Variants in LRMDA observed in about 807,000 individuals in gnomAD.
LRMDA encodes the protein leucine rich melanocyte differentiation associated.
In LRMDA, 18 loss-of-function variants were observed where a neutral mutation model predicts 29.8. That is an observed-to-expected ratio of 0.60 (90% CI 0.42 to 0.90). The LOEUF (loss-of-function observed/expected upper bound fraction) is 0.90, where lower values mean the gene tolerates loss of function less well. LRMDA is among the 40% of genes least tolerant of loss of function. LRMDA has a pLI of 0.00. For missense variants in LRMDA, 273 were observed against 273.9 expected (o/e 1.00, Z 0.02); for synonymous variants, 125 against 109.4 (o/e 1.14, Z -0.89).
At chr10:76,545,986 G>A (rs1426905392) in intron 6 of LRMDA, among the ~76,000 whole-genome samples, 6 of 152,088 alleles carry the variant, frequency 3.9e-5, no homozygotes, top group African/African-American at 1.2e-4. Flanking sequence ...AGAAACTCTG[G>A]GGAACGGGGC....
intron 3 of LRMDA, among the ~76,000 whole-genome samples, chr10:76,045,583 G>A (rs1029803327): frequency 3.3e-5 from 5 of 152,062 alleles, no homozygotes; most frequent in Admixed American, 1.3e-4. Flanking sequence ...GCATATGATG[G>A]TGGCAGAGCA....
chr10:75,612,479 C>G (rs1841044737), intron 2 of LRMDA, among the ~76,000 whole-genome samples: 1 of 151,996 alleles, frequency 6.6e-6, no homozygotes, highest in African/African-American at 2.4e-5. Context: ...TAATTGATGC[C>G]ATTTTACTAA....
chr10:76,226,239 G>A (rs996794061), intron 5 of LRMDA, among the ~76,000 whole-genome samples: 4 of 152,114 alleles, frequency 2.6e-5, no homozygotes, highest in African/African-American at 9.7e-5. Context: ...TCACAAGGCA[G>A]CAGGAGAGAG....
At position 76,197,946 on chromosome 10, in the gene LRMDA, C is replaced by G. The variant is rs141134968; in HGVS notation, c.517-126455C>G. On this transcript the variant is annotated intron_variant, in intron 5 of 6. Coordinates refer to ENST00000611255, the MANE Select transcript of LRMDA (RefSeq NM_001305581.2). The stretch of plus-strand genomic sequence containing the variant: ...AAAAAAAAAAAAATTGTTAGTAGTT[C>G]CACTGCTGAGAAATTCTGGTCTAAA... Among the ~76,000 whole-genome samples, 430 of 151,992 alleles carry G rather than the reference C, an allele frequency of 2.8e-3. 13 individuals carry two copies. In the East Asian group the frequency reaches 0.067, roughly 24 times the overall value.
chr10:76,279,023 T>C (rs997134151), intron 5 of LRMDA, among the ~76,000 whole-genome samples: 3 of 152,220 alleles, frequency 2.0e-5, no homozygotes, highest in African/African-American at 7.2e-5. Flanking sequence ...TTGTCTGAAC[T>C]GCAAGGTCCT....
intron 6 of LRMDA, among the ~76,000 whole-genome samples, chr10:76,419,724 C>T (rs1258265340): frequency 1.3e-5 from 2 of 152,028 alleles, no homozygotes; most frequent in Admixed American, 6.6e-5. Flanking sequence ...TGTATATCTT[C>T]TTTGATAAAG....
chr10:75,845,043 A>G (rs1844608900), intron 2 of LRMDA, among the ~76,000 whole-genome samples: 1 of 152,198 alleles, frequency 6.6e-6, no homozygotes, highest in Admixed American at 6.5e-5. Context: ...CATTCATGTT[A>G]GGTGAAGGAC....
At chr10:76,521,273 A>G (rs1176075266) in intron 6 of LRMDA, among the ~76,000 whole-genome samples, 1 of 151,938 alleles carries the variant, frequency 6.6e-6, no homozygotes, top group Non-Finnish European at 1.5e-5. Context: ...AGCTGGGACT[A>G]CAGGCGCCTG....
intron 2 of LRMDA, among the ~76,000 whole-genome samples, chr10:76,028,348 T>C (rs1160812698): frequency 6.6e-6 from 1 of 152,204 alleles, no homozygotes; most frequent in Non-Finnish European, 1.5e-5. Flanking sequence ...GCTCTTTCCA[T>C]GTTAAGGGTG....
chr10:76,329,398 A>G (rs575687671), intron 6 of LRMDA, among the ~76,000 whole-genome samples: 1 of 152,216 alleles, frequency 6.6e-6, no homozygotes, highest in Non-Finnish European at 1.5e-5. Flanking sequence ...ATGTCCCTGA[A>G]TTATTTATTT....
chr10:76,371,902 T>A (rs1361531062), intron 6 of LRMDA, among the ~76,000 whole-genome samples: 2 of 152,182 alleles, frequency 1.3e-5, no homozygotes, highest in Non-Finnish European at 2.9e-5. Context: ...TGATTCTCTT[T>A]TGATGATAAA....
chr10:76,257,401 T>C (rs573480498), intron 5 of LRMDA, among the ~76,000 whole-genome samples: 10 of 151,298 alleles, frequency 6.6e-5, no homozygotes, highest in Admixed American at 3.3e-4. Context: ...TGGCATGATC[T>C]CAGCTCACTG....
chr10:76,106,302 T>TA (rs1305312110), intron 5 of LRMDA, among the ~76,000 whole-genome samples: 1 of 152,172 alleles, frequency 6.6e-6, no homozygotes, highest in African/African-American at 2.4e-5. Flanking sequence ...AGTAGAAACT[T>TA]AAACTTCCTG....
intron 2 of LRMDA, among the ~76,000 whole-genome samples, chr10:75,664,529 A>G (rs1309448139): frequency 6.6e-6 from 1 of 152,162 alleles, no homozygotes; most frequent in Non-Finnish European, 1.5e-5. Flanking sequence ...ATGGAGGAAG[A>G]GGAGTCAGGA....
At chr10:76,103,553 C>T (rs1303611727) in intron 5 of LRMDA, among the ~76,000 whole-genome samples, 1 of 152,220 alleles carries the variant, frequency 6.6e-6, no homozygotes, top group Non-Finnish European at 1.5e-5. Flanking sequence ...CTTACTCATA[C>T]ACTTCCTGAG....
intron 6 of LRMDA, among the ~76,000 whole-genome samples, chr10:76,466,881 A>G (rs998844294): frequency 1.3e-5 from 2 of 152,224 alleles, no homozygotes; most frequent in Non-Finnish European, 2.9e-5. Context: ...CCTTGCTTTT[A>G]TTACTTAGCA....
At position 76,041,815 on chromosome 10, in the gene LRMDA, C is replaced by T. The variant is rs968779709; in HGVS notation, c.259-5349C>T. On this transcript the variant is annotated intron_variant, in intron 3 of 6. Transcript: ENST00000611255. Reference sequence around the variant, plus strand: ...AGACAACACTGAAAAAAAATCTCAACGCTAAGTACCCCGGAGAAGACTTGA... The same window carrying T: ...AGACAACACTGAAAAAAAATCTCAATGCTAAGTACCCCGGAGAAGACTTGA... 5.9e-5 allele frequency among the ~76,000 whole-genome samples: 9 copies of T among 152,264 alleles called. No individual in the cohort carries two copies. The South Asian group carries it at 6.2e-4, about 11-fold the overall frequency.
chr10:75,619,789 G>T (rs1459474538), intron 2 of LRMDA, among the ~76,000 whole-genome samples: 1 of 152,110 alleles, frequency 6.6e-6, no homozygotes, highest in Non-Finnish European at 1.5e-5. Flanking sequence ...TCTGCAAACT[G>T]TACTCTGGTC....
At chr10:76,253,960 A>G (rs1852534050) in intron 5 of LRMDA, among the ~76,000 whole-genome samples, 1 of 152,172 alleles carries the variant, frequency 6.6e-6, no homozygotes, top group Non-Finnish European at 1.5e-5. Context: ...AAATAATGAC[A>G]AAACAAGAGC....
Sources: allele counts gnomAD v4.1 joint callset (sites outside exome capture counted in the v4.1 genomes callset), GRCh38; gene constraint gnomAD v4.1.1; transcripts MANE v1.5; gene names NCBI Gene and HGNC (gene_info 2026-07-23, HGNC 2026-07-21).